Variants in SORCS2 observed in about 807,000 individuals in gnomAD.
The protein encoded by SORCS2 is VPS10 domain-containing receptor SorCS2.
Under a neutral mutation model 141.6 loss-of-function variants are expected in SORCS2, and 100 were observed. That is an observed-to-expected ratio of 0.71 (90% CI 0.60 to 0.83). The LOEUF is 0.83. Ranked by LOEUF, SORCS2 falls within the 40% of genes least tolerant of loss-of-function variation. The probability of loss-of-function intolerance (pLI) is 0.00; values close to 1 mark genes in which losing one functional copy is unlikely to be tolerated. For synonymous variants in SORCS2, 789 were observed against 676.9 expected (o/e 1.17, Z -2.57); for missense variants, 1,646 against 1,560.2 (o/e 1.05, Z -0.93).
At chr4:7,346,746 T>C (rs1560208871) in intron 1 of SORCS2, among the ~76,000 whole-genome samples, 2 of 152,248 alleles carry the variant, frequency 1.3e-5, no homozygotes, top group Admixed American at 6.5e-5. Flanking sequence ...GTACTTGTTA[T>C]ATCTTCCTGA....
chr4:7,556,169 G>T (rs1187635015), intron 3 of SORCS2, among the ~76,000 whole-genome samples: 1 of 152,184 alleles, frequency 6.6e-6, no homozygotes, highest in Non-Finnish European at 1.5e-5. Context: ...CCAGGTGAGG[G>T]GTGATGGGGG....
chr4:7,533,855 A>C (rs1036863277), intron 3 of SORCS2, among the ~76,000 whole-genome samples: 1 of 152,198 alleles, frequency 6.6e-6, no homozygotes, highest in Non-Finnish European at 1.5e-5. Context: ...CCATGAGATG[A>C]TACATAGAAT....
chr4:7,306,608 G>A (rs938331741), intron 1 of SORCS2, among the ~76,000 whole-genome samples: 2 of 152,200 alleles, frequency 1.3e-5, no homozygotes, highest in African/African-American at 2.4e-5. Flanking sequence ...GGCGGTTCCC[G>A]TGGGGCTAGG....
At position 7,740,484 on chromosome 4, in the gene SORCS2, T is replaced by C; in HGVS notation, c.*220T>C. ...GACTCCCCGGACATGGCCCTGCCCCTATGGGACACCAGGCCTGACTCAGGC... is the reference window on the plus strand; with the variant it reads ...GACTCCCCGGACATGGCCCTGCCCCCATGGGACACCAGGCCTGACTCAGGC... On this transcript the variant is annotated 3_prime_UTR_variant, in exon 27 of 27. Coordinates refer to ENST00000507866, the MANE Select transcript of SORCS2 (RefSeq NM_020777.3). 1.8e-6 allele frequency: 1 copy of C among 568,032 alleles called. No homozygotes were observed. Among genetic ancestry groups the C allele is most frequent in the East Asian group, 2.9e-5 (1 of 34,336 alleles). 35.2% of individuals were successfully genotyped at this position (568,032 alleles called of 1,614,324 possible). A position where few individuals can be genotyped will look rare whatever the true frequency, so the allele number is the denominator to read the frequency against.
chr4:7,686,884 C>T (rs1026365418), intron 10 of SORCS2, among the ~76,000 whole-genome samples: 6 of 152,198 alleles, frequency 3.9e-5, no homozygotes, highest in South Asian at 4.1e-4. Context: ...TTCATAGAGC[C>T]GCCTGTGTTC....
At chr4:7,322,971 C>CTTT (rs112892465) in intron 1 of SORCS2, among the ~76,000 whole-genome samples, 10,885 of 151,742 alleles carry the variant, frequency 0.072, 512 homozygotes, top group East Asian at 0.19. Flanking sequence ...CGGCCCTGCC[C>CTTT]GTTTTTTATC....
intron 1 of SORCS2, among the ~76,000 whole-genome samples, chr4:7,366,358 C>T (rs115311478): frequency 9.3e-4 from 141 of 152,110 alleles, no homozygotes; most frequent in Non-Finnish European, 6.6e-4. Flanking sequence ...GCAGCAGGGT[C>T]GAGTTCCCTG....
chr4:7,387,647 C>G (rs1196693827), intron 1 of SORCS2, among the ~76,000 whole-genome samples: 1 of 129,642 alleles, frequency 7.7e-6, no homozygotes, highest in African/African-American at 3.0e-5. Flanking sequence ...ACACACATGC[C>G]CACCATACAC....
chr4:7,660,244 C>T (rs571064640), intron 5 of SORCS2, among the ~76,000 whole-genome samples: 46 of 152,298 alleles, frequency 3.0e-4, no homozygotes, highest in East Asian at 1.9e-3. Context: ...GGCAATGAAA[C>T]GGGGAGGGGA....
chr4:7,352,257 G>A (rs999696459), intron 1 of SORCS2, among the ~76,000 whole-genome samples: 2 of 152,228 alleles, frequency 1.3e-5, no homozygotes, highest in South Asian at 2.1e-4. Context: ...TTATCTCTCA[G>A]TGCTAAGAAC....
intron 3 of SORCS2, among the ~76,000 whole-genome samples, chr4:7,600,234 A>G (rs531760037): frequency 4.6e-5 from 7 of 152,150 alleles, no homozygotes; most frequent in Non-Finnish European, 1.0e-4. Flanking sequence ...AGCTTACCAC[A>G]AGCTTAGGGG....
chr4:7,464,683 TG>T (rs1269224678), intron 2 of SORCS2, among the ~76,000 whole-genome samples: 3 of 152,182 alleles, frequency 2.0e-5, no homozygotes, highest in African/African-American at 4.8e-5. Context: ...CAAAAAATGG[TG>T]TACTCTGACC....
chr4:7,405,394 AGTTGGTAT>A, intron 2 of SORCS2, among the ~76,000 whole-genome samples: 1 of 147,346 alleles, frequency 6.8e-6, no homozygotes, highest in Non-Finnish European at 1.5e-5. Context: ...GTGAAAAATG[AGTTGGTAT>A]TTTGGTAGGA....
intron 2 of SORCS2, among the ~76,000 whole-genome samples, chr4:7,414,103 CA>C (rs1391782411): frequency 1.3e-5 from 2 of 152,188 alleles, no homozygotes; most frequent in Non-Finnish European, 2.9e-5. Flanking sequence ...CAAGGCGAGA[CA>C]AGGATACGCT....
At chr4:7,240,852 C>T (rs1478650405) in intron 1 of SORCS2, among the ~76,000 whole-genome samples, 1 of 152,164 alleles carries the variant, frequency 6.6e-6, no homozygotes, top group African/African-American at 2.4e-5. Context: ...ACACCCCGGT[C>T]GACCTTCATT....
At chr4:7,677,354 C>A (rs1477108886) in intron 9 of SORCS2, among the ~76,000 whole-genome samples, 2 of 152,220 alleles carry the variant, frequency 1.3e-5, no homozygotes, top group African/African-American at 4.8e-5. Flanking sequence ...CCTGAGATGC[C>A]ATGGCCAGCG....
chr4:7,606,740 G>T (rs1718088939), intron 3 of SORCS2, among the ~76,000 whole-genome samples: 2 of 152,120 alleles, frequency 1.3e-5, no homozygotes, highest in African/African-American at 4.8e-5. Flanking sequence ...ACTGTATTGG[G>T]AGTTATATTC....
chr4:7,354,833 G>A (rs959437163), intron 1 of SORCS2, among the ~76,000 whole-genome samples: 1 of 152,166 alleles, frequency 6.6e-6, no homozygotes, highest in Admixed American at 6.5e-5. Flanking sequence ...ACCCAGACTT[G>A]ACATAATTTC....
At chr4:7,728,547 A>G in intron 22 of SORCS2, 85 bp downstream of exon 22, 2 of 966,634 alleles carry the variant, frequency 2.1e-6, no homozygotes, top group African/African-American at 1.7e-5. Context: ...GTGCTCAGGG[A>G]AAGGAGAGGC....
Sources: gnomAD v4.1 joint callset for allele counts (sites outside exome capture counted in the v4.1 genomes callset) on GRCh38, gnomAD v4.1.1 for gene constraint, MANE v1.5 for transcripts, NCBI Gene and HGNC (gene_info 2026-07-23, HGNC 2026-07-21) for gene names.